The following ADAMTS9 variants were observed in gnomAD, a reference collection of about 807,000 sequenced individuals.
ADAMTS9 encodes the protein A disintegrin and metalloproteinase with thrombospondin motifs 9.
A neutral mutation model predicts 257.1 loss-of-function variants in ADAMTS9; 107 were observed. The ratio of observed to expected loss-of-function variants is 0.42; its 90% confidence interval spans 0.36 to 0.49. ADAMTS9 has a LOEUF of 0.49. ADAMTS9 is among the 20% of genes least tolerant of loss of function. The probability of loss-of-function intolerance (pLI) is 0.03; values close to 1 mark genes in which losing one functional copy is unlikely to be tolerated. For missense variants in ADAMTS9, 2,353 were observed against 2,469.1 expected (o/e 0.95, Z 1.00); for synonymous variants, 982 against 880.9 (o/e 1.11, Z -2.03).
chr3:64,673,763 T>G (rs1468322145), intron 3 of ADAMTS9, among the ~76,000 whole-genome samples: 2 of 152,092 alleles, frequency 1.3e-5, no homozygotes. Context: ...ATCCCCACTT[T>G]TCAAAGATTT....
chr3:64,604,374 C>T, intron 23 of ADAMTS9, 43 bp from the exon 24 acceptor site: 1 of 1,382,142 alleles, frequency 7.2e-7, no homozygotes, highest in South Asian at 1.3e-5. Flanking sequence ...ACTTTCAAGT[C>T]AATGCACTTT....
chr3:64,641,850 T>C lies in ADAMTS9; in HGVS notation c.1854A>G (p.Pro618=). ...IKTAIRECNR[P]EPKNGGKYCV... ...CAGTTATACATTCTAGGACTTACTC[T>C]GGTCTGTTGCACTCTCGAATGGCTG... Residue 618 remains proline, a splice_region_variant and synonymous_variant, in exon 12 of 40, where the codon CCA becomes CCG. Coordinates refer to ENST00000498707, the MANE Select transcript of ADAMTS9 (RefSeq NM_182920.2). 1.9e-6 allele frequency: 3 copies of C among 1,614,082 alleles called. No homozygotes were observed. Among genetic ancestry groups the C allele is most frequent in the Non-Finnish European group, 2.5e-6 (3 of 1,179,990 alleles).
chr3:64,649,565 C>A, intron 10 of ADAMTS9, 72 bp downstream of exon 10: 4 of 1,495,992 alleles, frequency 2.7e-6, no homozygotes, highest in Non-Finnish European at 3.6e-6. Flanking sequence ...AGTTAGAATG[C>A]AATGGAAAAC....
intron 22 of ADAMTS9, among the ~76,000 whole-genome samples, chr3:64,611,099 A>C (rs1205661427): frequency 1.5e-5 from 2 of 132,788 alleles, no homozygotes; most frequent in African/African-American, 6.1e-5. Context: ...AAAAAAAAAA[A>C]AGTTAAACTC....
intron 11 of ADAMTS9, 137 bp from the exon 12 acceptor site, chr3:64,642,130 G>T: frequency 1.0e-6 from 1 of 970,500 alleles, no homozygotes; most frequent in Non-Finnish European, 1.5e-6. Context: ...TCATCTATAT[G>T]AATAATGGAA....
At chr3:64,626,309 G>A (rs549264688) in intron 16 of ADAMTS9, among the ~76,000 whole-genome samples, 1 of 152,276 alleles carries the variant, frequency 6.6e-6, no homozygotes, top group Non-Finnish European at 1.5e-5. Flanking sequence ...TCCATTTCCA[G>A]AGTCTACAAA....
chr3:64,675,778 C>A (rs547086985), intron 3 of ADAMTS9, among the ~76,000 whole-genome samples: 2 of 152,232 alleles, frequency 1.3e-5, no homozygotes, highest in African/African-American at 2.4e-5. Flanking sequence ...GTTTCTCAAC[C>A]TCTTTGAGCT....
chr3:64,556,807 T>G (rs2083343628), intron 30 of ADAMTS9, among the ~76,000 whole-genome samples: 1 of 151,720 alleles, frequency 6.6e-6, no homozygotes, highest in Non-Finnish European at 1.5e-5. Flanking sequence ...CATCTTTCCC[T>G]CCTTCCTTTC....
intron 3 of ADAMTS9, among the ~76,000 whole-genome samples, chr3:64,675,129 G>A (rs538930758): frequency 6.6e-6 from 1 of 152,268 alleles, no homozygotes; most frequent in East Asian, 1.9e-4. Flanking sequence ...CAGGACATAA[G>A]GGCTGAAGAA....
chr3:64,646,300 T>C (rs1313361409), intron 11 of ADAMTS9, among the ~76,000 whole-genome samples: 2 of 152,192 alleles, frequency 1.3e-5, no homozygotes, highest in East Asian at 3.8e-4. Flanking sequence ...TTTGGGTCTT[T>C]GTGTTTAGAA....
chr3:64,682,233 A>G (rs1003866194), intron 2 of ADAMTS9, among the ~76,000 whole-genome samples: 6 of 152,210 alleles, frequency 3.9e-5, no homozygotes, highest in African/African-American at 1.4e-4. Context: ...CTGGGGATAA[A>G]GATACTTAAT....
intron 28 of ADAMTS9, 93 bp downstream of exon 28, chr3:64,594,165 G>C (rs1014935720): frequency 1.5e-6 from 2 of 1,353,512 alleles, no homozygotes; most frequent in East Asian, 4.7e-5. Flanking sequence ...GGATGCCCTT[G>C]TAAGTGTGAC....
At chr3:64,568,713 A>T (rs1179019350) in intron 28 of ADAMTS9, 178 bp from the exon 29 acceptor site, 1 of 669,176 alleles carries the variant, frequency 1.5e-6, no homozygotes, top group East Asian at 3.1e-5. Context: ...GGCATTGAAA[A>T]AAAAAATGTC....
intron 16 of ADAMTS9, among the ~76,000 whole-genome samples, chr3:64,626,861 T>C (rs1700235576): frequency 6.6e-6 from 1 of 152,146 alleles, no homozygotes; most frequent in South Asian, 2.1e-4. Context: ...TGTAAACCTC[T>C]GACAACCTCG....
At chr3:64,519,330 C>T (rs1048734242) in intron 39 of ADAMTS9, among the ~76,000 whole-genome samples, 10 of 152,098 alleles carry the variant, frequency 6.6e-5, no homozygotes, top group Admixed American at 5.9e-4. Flanking sequence ...AGCAGGACCC[C>T]TAGAGATGCA....
Position 64,686,825 on chromosome 3 carries a change from C to G in ADAMTS9, c.259G>C (p.Ala87Pro), listed in dbSNP as rs61735958. 1 of 1,613,990 alleles carries G rather than the reference C, an allele frequency of 6.2e-7. No homozygotes were observed. Among genetic ancestry groups the G allele is most frequent in the Admixed American group, 1.7e-5 (1 of 60,000 alleles). Reference protein sequence around the residue: ...NSATDPWPAFASSSSSSTSSQ... With the variant: ...NSATDPWPAFPSSSSSSTSSQ... ...GAGGTAGAGGAGGAAGAGGAGGAGG[C>G]GAAGGCAGGCCAGGGGTCAGTGGCA... is the stretch of plus-strand genomic sequence containing the variant. The change falls in exon 2 of 40, where the codon GCC becomes CCC. Residue 87 changes from alanine to proline, a missense_variant. Ala to Pro is a conservative substitution (Grantham distance 27). This residue lies in a region of ADAMTS9 where 591 missense variants were observed against 569.6 expected (regional missense o/e 1.04). Transcript: ENST00000498707. The surrounding 1 kb of genome is among the most constrained non-coding windows in gnomAD (Gnocchi z 4.6).
Position 64,687,847 on chromosome 3 carries a change from G to T in ADAMTS9, c.-190C>A. 2 of 456,320 alleles carry T rather than the reference G, an allele frequency of 4.4e-6. No homozygotes were observed. The highest frequency in any genetic ancestry group is 7.8e-6 in the Non-Finnish European group (2 of 254,884). The allele number at this position is 456,320 out of a possible 1,614,324, so 28.3% of individuals were successfully genotyped here. ...CTGCGCTCGGCTGAGCAACGCCGCC[G>T]CCTGCCGAGAGCTGAGCCGCTCGGG... On this transcript the variant is annotated 5_prime_UTR_variant, in exon 1 of 40. Transcript: ENST00000498707. This position sits in a 1 kb window ranked among gnomAD's most constrained non-coding sequence, Gnocchi z 4.4.
Position 64,627,689 on chromosome 3 carries a change from C to T in ADAMTS9, c.2389+3766G>A, listed in dbSNP as rs538840943. Among the ~76,000 whole-genome samples, 4 of 152,238 alleles carry T rather than the reference C, an allele frequency of 2.6e-5. No homozygotes were observed. The East Asian group carries it at 7.7e-4, about 29-fold the overall frequency. On this transcript the variant is annotated intron_variant, in intron 16 of 39. Transcript: ENST00000498707. ...CCTCCCACTAATGCGATTAAGGGAG[C>T]TAATTTCCTGGGTTGGTTTCCCTCC...
chr3:64,687,568 G>A lies in ADAMTS9; in HGVS notation c.90C>T (p.Arg30=), dbSNP rs968663725. ...CTTGCCTCGGGTGCAGCCTGTCCTTGCGCACGGCCGCCGCGGCGTCTGGGC... is the reference window on the plus strand; with the variant it reads ...CTTGCCTCGGGTGCAGCCTGTCCTTACGCACGGCCGCCGCGGCGTCTGGGC... ...MGSPDAAAAV[R]KDRLHPRQVK... Residue 30 remains arginine, a synonymous_variant, in exon 1 of 40, where the codon CGC becomes CGT. Coordinates refer to ENST00000498707, the MANE Select transcript of ADAMTS9 (RefSeq NM_182920.2). The surrounding 1 kb of genome is among the most constrained non-coding windows in gnomAD (Gnocchi z 4.4). 2.6e-6 allele frequency: 4 copies of A among 1,563,660 alleles called. No individual in the cohort carries two copies. In the African/African-American group the frequency reaches 5.5e-5, roughly 21 times the overall value.
Sources: allele counts gnomAD v4.1 joint callset (sites outside exome capture counted in the v4.1 genomes callset), GRCh38; gene constraint gnomAD v4.1.1; regional missense constraint gnomAD v4.1.1; non-coding constraint Gnocchi (gnomAD v3.1); transcripts MANE v1.5; gene names NCBI Gene and HGNC (gene_info 2026-07-23, HGNC 2026-07-21).